The following AGBL3 variants were observed in gnomAD, a reference collection of about 807,000 sequenced individuals.
AGBL3 encodes cytosolic carboxypeptidase 3.
In AGBL3, 68 loss-of-function variants were observed where a neutral mutation model predicts 94.5. That is an observed-to-expected ratio of 0.72 (90% CI 0.59 to 0.88). The LOEUF is 0.88. AGBL3 is among the 40% of genes least tolerant of loss of function. The probability of loss-of-function intolerance (pLI) is 0.00; values close to 1 mark genes in which losing one functional copy is unlikely to be tolerated. For synonymous variants in AGBL3, 354 were observed against 370.7 expected (o/e 0.95, Z 0.52); for missense variants, 934 against 1,103.8 (o/e 0.85, Z 2.18).
At chr7:134,990,224 C>G (rs971665977) in intron 3 of AGBL3, among the ~76,000 whole-genome samples, 9 of 152,112 alleles carry the variant, frequency 5.9e-5, no homozygotes, top group Non-Finnish European at 1.5e-5. Flanking sequence ...ATTTAATCAC[C>G]CCTAAGTGTT....
At chr7:135,097,337 GA>G in intron 15 of AGBL3, among the ~76,000 whole-genome samples, 1 of 152,122 alleles carries the variant, frequency 6.6e-6, no homozygotes, top group East Asian at 1.9e-4. Context: ...GGCAACAAAA[GA>G]AAAAATCCCC....
chr7:135,114,473 T>C (rs1389244911), intron 15 of AGBL3, among the ~76,000 whole-genome samples: 1 of 150,978 alleles, frequency 6.6e-6, no homozygotes, highest in Non-Finnish European at 1.5e-5. Context: ...AATTCCTTTG[T>C]ATCATCTAAT....
chr7:135,006,750 T>C (rs1812438612), intron 4 of AGBL3, among the ~76,000 whole-genome samples: 1 of 151,922 alleles, frequency 6.6e-6, no homozygotes, highest in Non-Finnish European at 1.5e-5. Flanking sequence ...TTTTGTGGCA[T>C]GTGATTTAAA....
chr7:135,078,072 T>C (rs1416371405), intron 13 of AGBL3, among the ~76,000 whole-genome samples: 1 of 152,194 alleles, frequency 6.6e-6, no homozygotes, highest in Non-Finnish European at 1.5e-5. Flanking sequence ...ACTGACTAGT[T>C]TTCCAGAGAG....
At chr7:135,021,440 C>T (rs1814444901) in intron 5 of AGBL3, among the ~76,000 whole-genome samples, 1 of 151,732 alleles carries the variant, frequency 6.6e-6, no homozygotes, top group Non-Finnish European at 1.5e-5. Context: ...TACAGGCGCC[C>T]ACCACCACGC....
At chr7:135,091,614 T>A (rs1372567713) in intron 15 of AGBL3, among the ~76,000 whole-genome samples, 2 of 152,148 alleles carry the variant, frequency 1.3e-5, no homozygotes, top group Non-Finnish European at 2.9e-5. Flanking sequence ...AAATAAAAAA[T>A]TTTTTGACAA....
At chr7:135,113,524 T>G (rs946081756) in intron 15 of AGBL3, among the ~76,000 whole-genome samples, 1 of 152,224 alleles carries the variant, frequency 6.6e-6, no homozygotes, top group African/African-American at 2.4e-5. Flanking sequence ...TGTATTCTAC[T>G]TTCTCTTATG....
chr7:135,010,333 A>G (rs1444694906), intron 4 of AGBL3: 1 of 238,164 alleles, frequency 4.2e-6, no homozygotes, highest in Admixed American at 5.5e-5. Flanking sequence ...AACATTCTGT[A>G]TCTCTTAGCT....
rs1829316072 is a variant in AGBL3, at chr7:135,135,660, A to T, written c.*399A>T. On this transcript the variant is annotated 3_prime_UTR_variant, in exon 17 of 17. Transcript: ENST00000436302. The stretch of plus-strand genomic sequence containing the variant: ...CACTTTAATCAATTAGTCAACAAAC[A>T]TCATTTCCTGATTTTCTGTTATATC... 6.4e-6 allele frequency: 1 copy of T among 155,648 alleles called. No homozygotes were observed. Among genetic ancestry groups the T allele is most frequent in the Admixed American group, 6.4e-5 (1 of 15,616 alleles). The allele number at this position is 155,648 out of a possible 1,614,324, so 9.6% of individuals were successfully genotyped here. A position where few individuals can be genotyped will look rare whatever the true frequency, so the allele number is the denominator to read the frequency against.
intron 14 of AGBL3, 103 bp downstream of exon 14, chr7:135,080,363 G>T: frequency 2.4e-6 from 2 of 823,738 alleles, no homozygotes; most frequent in Non-Finnish European, 4.0e-6. Context: ...TGGTGCTAGG[G>T]ATATTAAATG....
intron 12 of AGBL3, among the ~76,000 whole-genome samples, chr7:135,061,041 A>G (rs1818789978): frequency 6.8e-6 from 1 of 147,378 alleles, no homozygotes; most frequent in South Asian, 2.2e-4. Context: ...CCTTTTCTCC[A>G]CATCTCCAAC....
Position 134,989,254 on chromosome 7 carries a change from A to G in AGBL3, c.68A>G (p.Glu23Gly), listed in dbSNP as rs1246486048. 6 of 1,540,424 alleles carry G rather than the reference A, an allele frequency of 3.9e-6. No individual in the cohort carries two copies. Among genetic ancestry groups the G allele is most frequent in the Non-Finnish European group, 4.4e-6 (5 of 1,141,366 alleles). ...ATTTTTAAATTCTTATTTTAGGATG[A>G]GGATATGTTCATGAAATTTGTAAGT... ...RTISDEDESD[E>G]DMFMKFVSED... The change falls in exon 3 of 17, where the codon GAG becomes GGG. Residue 23 changes from glutamate (E) to glycine (G), a missense_variant. By Grantham distance (98) the Glu-to-Gly change is moderately conservative. Coordinates refer to ENST00000436302, the MANE Select transcript of AGBL3 (RefSeq NM_178563.4).
At chr7:135,009,074 T>C (rs1812771759) in intron 4 of AGBL3, among the ~76,000 whole-genome samples, 1 of 152,218 alleles carries the variant, frequency 6.6e-6, no homozygotes, top group Non-Finnish European at 1.5e-5. Flanking sequence ...TGGTGTTTCT[T>C]CAGAAAGTTA....
chr7:135,074,836 G>A (rs11976962), intron 12 of AGBL3, among the ~76,000 whole-genome samples: 73,711 of 151,832 alleles, frequency 0.49, 18,243 homozygotes, highest in South Asian at 0.66. Context: ...ATTCTGTGTG[G>A]TCATTTTCAA....
chr7:135,068,588 C>T (rs1157229175), intron 12 of AGBL3, among the ~76,000 whole-genome samples: 2 of 152,190 alleles, frequency 1.3e-5, no homozygotes, highest in Non-Finnish European at 2.9e-5. Flanking sequence ...ATTCAACATC[C>T]TTAAAGAAAA....
intron 11 of AGBL3, among the ~76,000 whole-genome samples, chr7:135,049,644 A>G (rs1817695292): frequency 1.3e-5 from 2 of 151,884 alleles, no homozygotes; most frequent in African/African-American, 4.8e-5. Flanking sequence ...TAGTCTTGGT[A>G]ATTTGTATGT....
At chr7:135,129,994 A>G (rs1828500091) in intron 16 of AGBL3, among the ~76,000 whole-genome samples, 1 of 152,226 alleles carries the variant, frequency 6.6e-6, no homozygotes, top group Non-Finnish European at 1.5e-5. Flanking sequence ...TGCCTTCCCC[A>G]AGCTTTACAT....
rs571881705 is a variant in AGBL3 at position 135,070,144 on chromosome 7, C to T, written c.1909-6253C>T. On this transcript the variant is annotated intron_variant, in intron 12 of 16. Transcript: ENST00000436302. Reference sequence around the variant, plus strand: ...ATCTAGAAGAAATGGATAAATTCCTCGACACATACACCCTCCCAAGACTAA... The same window carrying T: ...ATCTAGAAGAAATGGATAAATTCCTTGACACATACACCCTCCCAAGACTAA... Among the ~76,000 whole-genome samples, 6 of 152,192 alleles carry T rather than the reference C, an allele frequency of 3.9e-5. 1 individual carries two copies. Among genetic ancestry groups the T allele is most frequent in the African/African-American group, 4.8e-5 (2 of 41,546 alleles).
intron 4 of AGBL3, among the ~76,000 whole-genome samples, chr7:135,016,221 CTTTA>C (rs1205846773): frequency 1.3e-5 from 2 of 151,912 alleles, no homozygotes; most frequent in East Asian, 3.8e-4. Flanking sequence ...ATTTGCTTAT[CTTTA>C]TTATCAATTT....
Sources: gnomAD v4.1 joint callset for allele counts (sites outside exome capture counted in the v4.1 genomes callset) on GRCh38, gnomAD v4.1.1 for gene constraint, MANE v1.5 for transcripts, NCBI Gene and HGNC (gene_info 2026-07-23, HGNC 2026-07-21) for gene names.